Variants in STAB2 observed in about 807,000 individuals in gnomAD.
The protein encoded by STAB2 is stabilin 2, also known as stabilin-2.
A neutral mutation model predicts 338.1 loss-of-function variants in STAB2; 288 were observed. The ratio of observed to expected loss-of-function variants is 0.85; its 90% CI spans 0.77 to 0.94. STAB2 has a LOEUF of 0.94. STAB2 is among the 40% of genes least tolerant of loss of function. The pLI, the probability that STAB2 is intolerant of heterozygous loss-of-function variation, is 0.00. For missense variants in STAB2, 3,141 were observed against 3,210.1 expected, an observed-to-expected ratio of 0.98 and a Z score of 0.52; for synonymous variants, 1,202 against 1,193.3, an observed-to-expected ratio of 1.01 and a Z score of -0.15.
intron 28 of STAB2, among the ~76,000 whole-genome samples, chr12:103,689,356 G>A (rs1877719719): frequency 6.6e-6 from 1 of 152,010 alleles, no homozygotes; most frequent in African/African-American, 2.4e-5. Flanking sequence ...GGTGGTGTGT[G>A]CCTGTAATTC....
At chr12:103,752,763 G>A (rs758089731) in intron 60 of STAB2, among the ~76,000 whole-genome samples, 16 of 152,098 alleles carry the variant, frequency 1.1e-4, no homozygotes, top group Non-Finnish European at 2.2e-4. Flanking sequence ...ATGATTTAAT[G>A]TTGTTTTAAA....
At chr12:103,601,967 T>A (rs148281212) in intron 3 of STAB2, among the ~76,000 whole-genome samples, 9 of 152,364 alleles carry the variant, frequency 5.9e-5, no homozygotes, top group Admixed American at 1.3e-4. Flanking sequence ...ATAGATTTTT[T>A]AAAATTTATT....
At chr12:103,619,723 C>A (rs541368425) in intron 3 of STAB2, among the ~76,000 whole-genome samples, 1 of 151,906 alleles carries the variant, frequency 6.6e-6, no homozygotes, top group Admixed American at 6.6e-5. Context: ...TTGGCCCCAA[C>A]TGTCCCATTT....
At chr12:103,643,378 C>T (rs983104966) in intron 9 of STAB2, among the ~76,000 whole-genome samples, 1 of 152,178 alleles carries the variant, frequency 6.6e-6, no homozygotes. Context: ...GGCCCTTGCA[C>T]GTGCTCTTCC....
At chr12:103,753,169 A>G in intron 60 of STAB2, 51 bp from the exon 61 acceptor site, 2 of 1,603,670 alleles carry the variant, frequency 1.2e-6, no homozygotes, top group Non-Finnish European at 1.7e-6. Context: ...TGTTGGAAAC[A>G]CTGCCAACCT....
At chr12:103,664,770 A>G (rs528356243) in intron 18 of STAB2, among the ~76,000 whole-genome samples, 1 of 152,240 alleles carries the variant, frequency 6.6e-6, no homozygotes, top group East Asian at 1.9e-4. Flanking sequence ...TGATGTAATG[A>G]CTCTGATATG....
chr12:103,731,570 T>C lies in STAB2; in HGVS notation c.5224-6T>C. 1 of 1,613,722 alleles carries C rather than the reference T, an allele frequency of 6.2e-7. No individual in the cohort carries two copies. The highest frequency in any genetic ancestry group is 8.5e-7 in the Non-Finnish European group (1 of 1,179,922). ...AGTTTCATGCCCATTCTTATTATCT[T>C]TGCAGCAAAATCTTACGACTTTGGC... On this transcript the variant is annotated splice_polypyrimidine_tract_variant and splice_region_variant and intron_variant, in intron 49 of 68. Coordinates refer to ENST00000388887, the MANE Select transcript of STAB2 (RefSeq NM_017564.10).
chr12:103,651,325 T>C (rs1399849604), intron 11 of STAB2, among the ~76,000 whole-genome samples: 1 of 151,044 alleles, frequency 6.6e-6, no homozygotes. Context: ...TTTTTTTTTT[T>C]TTTTTTGAGA....
At chr12:103,715,713 G>C in intron 42 of STAB2, 102 bp from the exon 43 acceptor site, 2 of 1,315,928 alleles carry the variant, frequency 1.5e-6, no homozygotes, top group East Asian at 2.3e-5. Context: ...TTTGACACCC[G>C]CTCCCTTCAG....
intron 31 of STAB2, among the ~76,000 whole-genome samples, chr12:103,693,126 ATATAT>A (rs1490035820): frequency 1.3e-5 from 2 of 152,188 alleles, no homozygotes; most frequent in Admixed American, 1.3e-4. Flanking sequence ...GTGTGGTCAC[ATATAT>A]TATCTTTCTT....
chr12:103,755,771 G>A, intron 63 of STAB2, 53 bp downstream of exon 63: 1 of 1,575,846 alleles, frequency 6.3e-7, no homozygotes, highest in Non-Finnish European at 8.7e-7. Context: ...TTGCCTCAAA[G>A]CAGGTATTAG....
At chr12:103,646,170 A>G (rs1873315278) in intron 9 of STAB2, among the ~76,000 whole-genome samples, 1 of 152,196 alleles carries the variant, frequency 6.6e-6, no homozygotes, top group South Asian at 2.1e-4. Context: ...GGAAAACTCC[A>G]GAAAGAAAAG....
In STAB2 at chr12:103,702,011, CACACACACACA is replaced by C. The variant is rs1354770979; in HGVS notation, c.3715-1136_3715-1126del. 4.3e-4 allele frequency among the ~76,000 whole-genome samples: 63 copies of C among 145,946 alleles called. 1 individual carries two copies. Among genetic ancestry groups the C allele is most frequent in the African/African-American group, 1.6e-3 (60 of 37,272 alleles). ...ACACACACACACACACACACACACA[CACACACACACA>C]CCCCACCCCAATTTTTCAAAGAATG... On this transcript the variant is annotated intron_variant, in intron 34 of 68. Coordinates refer to ENST00000388887, the MANE Select transcript of STAB2 (RefSeq NM_017564.10).
intron 53 of STAB2, among the ~76,000 whole-genome samples, chr12:103,738,952 G>A (rs906247095): frequency 3.9e-5 from 6 of 152,124 alleles, no homozygotes. Flanking sequence ...AAGTTAGTGT[G>A]TGTGTGTTGA....
chr12:103,606,512 A>G (rs1267782951), intron 3 of STAB2, among the ~76,000 whole-genome samples: 1 of 151,914 alleles, frequency 6.6e-6, no homozygotes, highest in African/African-American at 2.4e-5. Flanking sequence ...TTTCTTTAAC[A>G]CTTCTTGTAG....
chr12:103,660,355 G>A lies in STAB2; in HGVS notation c.1759G>A (p.Val587Ile), dbSNP rs188061929. 294 of 1,614,078 alleles carry A rather than the reference G, an allele frequency of 1.8e-4. 2 individuals are homozygous for A. In the South Asian group the frequency reaches 2.7e-3, roughly 15 times the overall value. ...PEGSRKLLEL[V>I]RYHIVPFTQL... Reference sequence around the variant, plus strand: ...GGGATCTCGGAAGCTTCTGGAACTCGTCAGATACCACATTGTCCCATTTAC... The same window carrying A: ...GGGATCTCGGAAGCTTCTGGAACTCATCAGATACCACATTGTCCCATTTAC... The change falls in exon 16 of 69, where the codon GTC becomes ATC. Residue 587 changes from valine to isoleucine, a missense_variant. By Grantham distance (29) the Val-to-Ile change is conservative. Coordinates refer to ENST00000388887, the MANE Select transcript of STAB2 (RefSeq NM_017564.10).
intron 10 of STAB2, 89 bp downstream of exon 10, chr12:103,648,912 C>G: frequency 4.6e-6 from 7 of 1,525,940 alleles, no homozygotes; most frequent in Non-Finnish European, 6.2e-6. Flanking sequence ...AAGGGACAGG[C>G]GAGCCTTGTC....
rs1007370370 is a variant in STAB2 at position 103,629,590 on chromosome 12, G to A, written c.488-2008G>A. Among the ~76,000 whole-genome samples the A allele has an allele frequency of 3.9e-5, 6 of 152,290 alleles. No individual in the cohort carries two copies. In the East Asian group the frequency reaches 9.6e-4, roughly 24 times the overall value. ...AACACAGAAGTGGGGGCTTTGGCTG[G>A]CCTTGAAGGATTCCAGTTAGCACAC... is the stretch of plus-strand genomic sequence containing the variant. On this transcript the variant is annotated intron_variant, in intron 5 of 68. Coordinates refer to ENST00000388887, the MANE Select transcript of STAB2 (RefSeq NM_017564.10).
At chr12:103,614,983 G>T (rs952435516) in intron 3 of STAB2, among the ~76,000 whole-genome samples, 12 of 152,214 alleles carry the variant, frequency 7.9e-5, no homozygotes, top group African/African-American at 2.9e-4. Flanking sequence ...TGCCCAAGGG[G>T]ATGAAATTGG....
Sources: gnomAD v4.1 joint callset for allele counts (sites outside exome capture counted in the v4.1 genomes callset) on GRCh38, gnomAD v4.1.1 for gene constraint, MANE v1.5 for transcripts, NCBI Gene and HGNC (gene_info 2026-07-23, HGNC 2026-07-21) for gene names.